Variants in DPP10 observed in about 807,000 individuals in gnomAD.
DPP10 encodes the protein inactive dipeptidyl peptidase 10.
A neutral mutation model predicts 120.9 loss-of-function variants in DPP10; 33 were observed. That is an observed-to-expected ratio of 0.27 (90% CI 0.21 to 0.37). The LOEUF (loss-of-function observed/expected upper bound fraction) is 0.37. Among genes scored for constraint, DPP10 ranks in the 10% least tolerant of loss-of-function variants. DPP10 has a pLI of 1.00. For synonymous variants in DPP10, 337 were observed against 326.1 expected, an observed-to-expected ratio of 1.03 and a Z score of -0.36; for missense variants, 816 against 942.8, an observed-to-expected ratio of 0.87 and a Z score of 1.76.
intron 1 of DPP10, among the ~76,000 whole-genome samples, chr2:114,989,575 C>T (rs1700634882): frequency 6.6e-6 from 1 of 152,172 alleles, no homozygotes; most frequent in African/African-American, 2.4e-5. Context: ...AAATGGGTTA[C>T]TGGATCTGGC....
chr2:115,643,906 A>G (rs962738331), intron 5 of DPP10, among the ~76,000 whole-genome samples: 7 of 152,168 alleles, frequency 4.6e-5, no homozygotes, highest in Non-Finnish European at 8.8e-5. Flanking sequence ...TGAAAAAAAT[A>G]AAGTAGAGAT....
chr2:114,463,340 C>A (rs1463684023), intron 1 of DPP10: 1 of 152,104 alleles, frequency 6.6e-6, no homozygotes, highest in Non-Finnish European at 1.5e-5. Flanking sequence ...CATTTGAAAA[C>A]TGAGAAAATT....
chr2:115,561,004 A>G (rs34007569), intron 5 of DPP10, among the ~76,000 whole-genome samples: 73,135 of 151,824 alleles, frequency 0.48, 21,354 homozygotes, highest in Middle Eastern at 0.67. Context: ...CGGGAGCCGT[A>G]TGGAAGCTAG....
intron 1 of DPP10, among the ~76,000 whole-genome samples, chr2:114,943,729 T>C (rs890147400): frequency 6.6e-6 from 1 of 152,246 alleles, no homozygotes. Context: ...TTTCTGATTA[T>C]AATTTAAGTC....
intron 1 of DPP10, among the ~76,000 whole-genome samples, chr2:114,643,147 G>A (rs1032314098): frequency 6.6e-6 from 1 of 151,888 alleles, no homozygotes; most frequent in Non-Finnish European, 1.5e-5. Context: ...CTTGGGCAGA[G>A]AGAATTGCTT....
intron 1 of DPP10, among the ~76,000 whole-genome samples, chr2:114,851,837 G>T (rs1688965528): frequency 6.6e-6 from 1 of 152,140 alleles, no homozygotes; most frequent in South Asian, 2.1e-4. Flanking sequence ...ATTGCAAGGA[G>T]ACTTGAGGAC....
chr2:114,535,843 C>A lies in DPP10; in HGVS notation c.60+93005C>A, dbSNP rs968272529. On this transcript the variant is annotated intron_variant, in intron 1 of 25. Transcript: ENST00000410059. ...AAGCTGTCAAAGATGCCCTAACTGC[C>A]CTCGTATTTTCAACCTCATTTTTCA... is the stretch of plus-strand genomic sequence containing the variant. Among the ~76,000 whole-genome samples, 3 of 152,104 alleles carry A rather than the reference C, an allele frequency of 2.0e-5. No individual in the cohort carries two copies. In the East Asian group the frequency reaches 5.8e-4, roughly 29 times the overall value.
At chr2:115,097,746 C>T (rs1376589271) in intron 1 of DPP10, among the ~76,000 whole-genome samples, 3 of 152,080 alleles carry the variant, frequency 2.0e-5, no homozygotes, top group Admixed American at 6.6e-5. Flanking sequence ...AGAGATTGCA[C>T]GTAGAAAATA....
At chr2:115,479,211 A>G (rs2075281520) in intron 3 of DPP10, among the ~76,000 whole-genome samples, 1 of 152,134 alleles carries the variant, frequency 6.6e-6, no homozygotes, top group African/African-American at 2.4e-5. Flanking sequence ...ATACAATGGG[A>G]TGTTATTCAT....
At chr2:114,779,306 T>C (rs1682058165) in intron 1 of DPP10, among the ~76,000 whole-genome samples, 1 of 152,122 alleles carries the variant, frequency 6.6e-6, no homozygotes, top group African/African-American at 2.4e-5. Context: ...CAGACTCTTC[T>C]GAGATTTTCT....
At chr2:114,954,679 C>T (rs6754602) in intron 1 of DPP10, among the ~76,000 whole-genome samples, 149,994 of 152,102 alleles carry the variant, frequency 0.99, 73,987 homozygotes, top group Non-Finnish European at 1. Context: ...TGTTTGTTGT[C>T]TGAAAAGATA....
At chr2:115,774,209 T>TACACACACACACACACAC (rs3069387) in intron 13 of DPP10, among the ~76,000 whole-genome samples, 15 of 147,522 alleles carry the variant, frequency 1.0e-4, no homozygotes, top group African/African-American at 3.8e-4. Flanking sequence ...AAAACACACA[T>TACACACACACACACACAC]ACACACACAC....
chr2:115,269,959 C>T (rs1453023419), intron 1 of DPP10, among the ~76,000 whole-genome samples: 1 of 151,876 alleles, frequency 6.6e-6, no homozygotes, highest in Admixed American at 6.6e-5. Context: ...GATGGAGTTC[C>T]AGGGGATTTA....
intron 1 of DPP10, among the ~76,000 whole-genome samples, chr2:114,908,053 A>G (rs767724211): frequency 7.2e-5 from 11 of 151,832 alleles, no homozygotes; most frequent in Non-Finnish European, 1.0e-4. Context: ...ACTATAAACT[A>G]TTGCTTTGTA....
intron 1 of DPP10, among the ~76,000 whole-genome samples, chr2:114,816,912 A>G (rs1336966795): frequency 6.6e-6 from 1 of 152,160 alleles, no homozygotes; most frequent in African/African-American, 2.4e-5. Context: ...TAAAAAGCTG[A>G]CCTGTATGAA....
chr2:114,989,124 G>A (rs1373038611), intron 1 of DPP10, among the ~76,000 whole-genome samples: 1 of 152,184 alleles, frequency 6.6e-6, no homozygotes, highest in African/African-American at 2.4e-5. Flanking sequence ...TGGAAGGACT[G>A]AGGGGTGAGG....
chr2:114,740,229 CCAT>C (rs1019943710), intron 1 of DPP10, among the ~76,000 whole-genome samples: 5 of 150,008 alleles, frequency 3.3e-5, no homozygotes, highest in Non-Finnish European at 7.4e-5. Context: ...AAATTGGAAA[CCAT>C]CATTCTCAGT....
chr2:114,858,283 C>T (rs1039975447), intron 1 of DPP10, among the ~76,000 whole-genome samples: 1 of 152,200 alleles, frequency 6.6e-6, no homozygotes, highest in Non-Finnish European at 1.5e-5. Context: ...ACCACTGTGC[C>T]CCGCCGCCGC....
At chr2:114,500,664 A>AAAAAC (rs199948944) in intron 1 of DPP10, among the ~76,000 whole-genome samples, 87 of 152,318 alleles carry the variant, frequency 5.7e-4, no homozygotes, top group East Asian at 3.5e-3. Context: ...AGGATCCAGG[A>AAAAAC]AAAACAAAAC....
Sources: gnomAD v4.1 joint callset for allele counts (sites outside exome capture counted in the v4.1 genomes callset) on GRCh38, gnomAD v4.1.1 for gene constraint, MANE v1.5 for transcripts, NCBI Gene and HGNC (gene_info 2026-07-23, HGNC 2026-07-21) for gene names.